ANKS1B: variants seen among roughly 807,000 people sequenced by gnomAD.
ANKS1B encodes the protein ankyrin repeat and sterile alpha motif domain-containing protein 1B.
Under a neutral mutation model 148.3 loss-of-function variants are expected in ANKS1B, and 36 were observed. That is an observed-to-expected ratio of 0.24 (90% confidence interval 0.19 to 0.32). ANKS1B has a LOEUF of 0.32. Ranked by LOEUF, ANKS1B falls within the 10% of genes least tolerant of loss-of-function variation. ANKS1B has a pLI of 1.00. For synonymous variants in ANKS1B, 542 were observed against 560.8 expected (o/e 0.97, Z 0.47); for missense variants, 1,157 against 1,542.6 (o/e 0.75, Z 4.19).
At position 99,490,911 on chromosome 12, in the gene ANKS1B, C is replaced by T. The variant is rs375060915; in HGVS notation, c.1438+13565G>A. Among the ~76,000 whole-genome samples, 16 of 152,248 alleles carry T rather than the reference C, an allele frequency of 1.1e-4. No homozygotes were observed. In the South Asian group the frequency reaches 1.7e-3, roughly 16 times the overall value. On this transcript the variant is annotated intron_variant, in intron 10 of 26. Coordinates refer to ENST00000683438, the MANE Select transcript of ANKS1B (RefSeq NM_001352186.2). ...GTTAAATATGAGACTACAAGCATTA[C>T]GTAAGATTGTAAGATTTCTACAAGA...
chr12:99,771,815 C>T (rs2063222778), intron 8 of ANKS1B, among the ~76,000 whole-genome samples: 1 of 151,958 alleles, frequency 6.6e-6, no homozygotes, highest in African/African-American at 2.4e-5. Context: ...GTAGGACTAG[C>T]CATGGAACTA....
At chr12:99,789,025 G>A (rs951288124) in intron 4 of ANKS1B, among the ~76,000 whole-genome samples, 2 of 152,148 alleles carry the variant, frequency 1.3e-5, no homozygotes, top group Admixed American at 1.3e-4. Flanking sequence ...GACATGCCCA[G>A]GGTCTGGGGG....
intron 8 of ANKS1B, among the ~76,000 whole-genome samples, chr12:99,663,739 T>C (rs2098490072): frequency 6.6e-6 from 1 of 152,130 alleles, no homozygotes; most frequent in African/African-American, 2.4e-5. Context: ...TCACATTTAT[T>C]GAAGGACAGA....
chr12:99,901,790 G>A (rs1368214845), intron 1 of ANKS1B, among the ~76,000 whole-genome samples: 1 of 150,396 alleles, frequency 6.6e-6, no homozygotes, highest in African/African-American at 2.5e-5. Flanking sequence ...CCTTCTTATG[G>A]AATGGCAACT....
chr12:98,783,110 T>C (rs2098753405), intron 22 of ANKS1B, among the ~76,000 whole-genome samples: 1 of 152,254 alleles, frequency 6.6e-6, no homozygotes. Flanking sequence ...TTGCCATGAA[T>C]CCATTCTCCT....
At chr12:99,617,330 G>T (rs529145089) in intron 9 of ANKS1B, among the ~76,000 whole-genome samples, 2 of 151,670 alleles carry the variant, frequency 1.3e-5, no homozygotes, top group Non-Finnish European at 2.9e-5. Flanking sequence ...CCACTATGAC[G>T]ACACACATGG....
At chr12:99,527,139 A>C (rs118009628) in intron 9 of ANKS1B, among the ~76,000 whole-genome samples, 1 of 152,312 alleles carries the variant, frequency 6.6e-6, no homozygotes, top group Non-Finnish European at 1.5e-5. Context: ...TGAGACAATA[A>C]ATTTCTGTTA....
intron 17 of ANKS1B, among the ~76,000 whole-genome samples, chr12:99,038,735 G>A (rs1000312003): frequency 2.6e-5 from 4 of 152,290 alleles, no homozygotes; most frequent in Admixed American, 6.5e-5. Flanking sequence ...AAACAGGCAC[G>A]GTCCTGCCGC....
At chr12:99,795,681 G>A (rs1029146693) in intron 4 of ANKS1B, among the ~76,000 whole-genome samples, 16 of 151,922 alleles carry the variant, frequency 1.1e-4, no homozygotes, top group African/African-American at 3.4e-4. Flanking sequence ...CTGTAGACAC[G>A]GAAAAGGTCC....
At chr12:99,279,431 A>C (rs2078098785) in intron 12 of ANKS1B, among the ~76,000 whole-genome samples, 1 of 152,116 alleles carries the variant, frequency 6.6e-6, no homozygotes, top group Admixed American at 6.6e-5. Flanking sequence ...CCATCATCCA[A>C]AAAAGAAACC....
chr12:99,931,892 T>G (rs977764781), intron 1 of ANKS1B, among the ~76,000 whole-genome samples: 1 of 152,154 alleles, frequency 6.6e-6, no homozygotes, highest in Non-Finnish European at 1.5e-5. Context: ...AATTATATTT[T>G]TGTACCCATT....
At chr12:99,311,409 T>C (rs2083152124) in intron 12 of ANKS1B, among the ~76,000 whole-genome samples, 1 of 152,178 alleles carries the variant, frequency 6.6e-6, no homozygotes, top group Non-Finnish European at 1.5e-5. Context: ...CTTAAGTGCA[T>C]TTGTATCAAA....
intron 12 of ANKS1B, among the ~76,000 whole-genome samples, chr12:99,273,494 GGCT>G (rs2077282168): frequency 6.6e-6 from 1 of 151,722 alleles, no homozygotes; most frequent in Admixed American, 6.6e-5. Context: ...ACGGCCCATG[GGCT>G]GCATGCTTTG....
intron 24 of ANKS1B, among the ~76,000 whole-genome samples, chr12:98,778,749 T>A (rs527470660): frequency 6.6e-6 from 1 of 152,304 alleles, no homozygotes; most frequent in East Asian, 1.9e-4. Context: ...TGGTAGTATT[T>A]CTCAGTCTTA....
At chr12:98,957,311 ATATTTATTTATTTATTTATTTATT>A (rs71782750) in intron 17 of ANKS1B, among the ~76,000 whole-genome samples, 14 of 143,870 alleles carry the variant, frequency 9.7e-5, no homozygotes, top group African/African-American at 2.5e-4. Flanking sequence ...TTTTTTTTAA[ATATTTATTTATTTATTTATTTATT>A]TATTTATTTA....
intron 4 of ANKS1B, among the ~76,000 whole-genome samples, chr12:99,791,727 C>T (rs112438661): frequency 8.7e-4 from 132 of 151,754 alleles, no homozygotes; most frequent in African/African-American, 3.2e-3. Context: ...ACACAGCATA[C>T]CAAAACCTAT....
At chr12:99,037,964 C>T (rs1052371735) in intron 17 of ANKS1B, among the ~76,000 whole-genome samples, 3 of 152,136 alleles carry the variant, frequency 2.0e-5, no homozygotes, top group African/African-American at 7.2e-5. Flanking sequence ...AGAGAAAGGG[C>T]ACACCTCTAT....
At chr12:98,821,005 C>T (rs569056042) in intron 19 of ANKS1B, among the ~76,000 whole-genome samples, 23 of 152,282 alleles carry the variant, frequency 1.5e-4, no homozygotes, top group Non-Finnish European at 2.5e-4. Context: ...ACAACCCAAA[C>T]GTATAGTTTC....
chr12:99,637,658 T>C, intron 9 of ANKS1B, among the ~76,000 whole-genome samples: 1 of 152,074 alleles, frequency 6.6e-6, no homozygotes, highest in African/African-American at 2.4e-5. Flanking sequence ...GCTGGATGCT[T>C]CCTGCCCTCA....
Sources: gnomAD v4.1 joint callset for allele counts (sites outside exome capture counted in the v4.1 genomes callset) on GRCh38, gnomAD v4.1.1 for gene constraint, MANE v1.5 for transcripts, NCBI Gene and HGNC (gene_info 2026-07-23, HGNC 2026-07-21) for gene names.